Variants in ERICH1 observed in about 807,000 individuals in gnomAD.
The protein encoded by ERICH1 is glutamate-rich protein 1.
A neutral mutation model predicts 39.6 loss-of-function variants in ERICH1; 56 were observed. The ratio of observed to expected loss-of-function variants is 1.41; its 90% CI spans 1.14 to 1.77. ERICH1 has a LOEUF of 1.77. ERICH1 is among the 40% of genes most tolerant of loss of function. The pLI, the probability that ERICH1 is intolerant of heterozygous loss-of-function variation, is 0.00. For missense variants in ERICH1, 826 were observed against 575.4 expected (o/e 1.44, Z -4.45); for synonymous variants, 313 against 223.6 (o/e 1.40, Z -3.57).
At chr8:622,176 T>G (rs894921096) in intron 3 of ERICH1, among the ~76,000 whole-genome samples, 1 of 152,176 alleles carries the variant, frequency 6.6e-6, no homozygotes, top group Non-Finnish European at 1.5e-5. Flanking sequence ...GGCCTAAGAT[T>G]GTGCCACTGT....
chr8:656,077 C>A (rs1800626232), intron 3 of ERICH1, among the ~76,000 whole-genome samples: 1 of 152,166 alleles, frequency 6.6e-6, no homozygotes, highest in Admixed American at 6.5e-5. Flanking sequence ...TGTAGACCTG[C>A]CCGCCAGGTC....
chr8:654,389 G>C (rs1225868593), intron 3 of ERICH1, among the ~76,000 whole-genome samples: 1 of 152,176 alleles, frequency 6.6e-6, no homozygotes, highest in African/African-American at 2.4e-5. Flanking sequence ...TGGAGGGACT[G>C]GAGGGGCAGA....
chr8:662,888 G>A (rs1390299245), downstream of ERICH1, among the ~76,000 whole-genome samples: 2 of 152,186 alleles, frequency 1.3e-5, no homozygotes, highest in Non-Finnish European at 1.5e-5. Context: ...GGCGGGCAGG[G>A]CGCCCTGCAG....
At chr8:636,846 G>C (rs1798478054) in intron 3 of ERICH1, among the ~76,000 whole-genome samples, 1 of 152,226 alleles carries the variant, frequency 6.6e-6, no homozygotes, top group South Asian at 2.1e-4. Flanking sequence ...ATGACTTCCA[G>C]GCCACGTGTT....
At chr8:720,863 C>T (rs753797862) in intron 1 of ERICH1, among the ~76,000 whole-genome samples, 9 of 152,304 alleles carry the variant, frequency 5.9e-5, no homozygotes, top group African/African-American at 1.9e-4. Context: ...TCTGCTCCTT[C>T]GCTGGAATGA....
At chr8:638,983 C>A (rs545579144) in intron 3 of ERICH1, among the ~76,000 whole-genome samples, 61 of 152,122 alleles carry the variant, frequency 4.0e-4, no homozygotes, top group Non-Finnish European at 8.2e-4. Flanking sequence ...TTCACAACTG[C>A]CCCCCTACCA....
chr8:621,015 A>C (rs1174293380), intron 3 of ERICH1, among the ~76,000 whole-genome samples: 1 of 152,252 alleles, frequency 6.6e-6, no homozygotes, highest in Non-Finnish European at 1.5e-5. Flanking sequence ...AATATGGTGC[A>C]TACACCATAA....
intron 3 of ERICH1, among the ~76,000 whole-genome samples, chr8:690,654 G>A (rs758548647): frequency 6.6e-5 from 10 of 152,248 alleles, no homozygotes; most frequent in African/African-American, 9.6e-5. Context: ...CTGGGCGGCC[G>A]ATCCAAGTTG....
intron 3 of ERICH1, chr8:615,547 G>C (rs1011749183): frequency 2.0e-5 from 8 of 390,894 alleles, no homozygotes; most frequent in Non-Finnish European, 3.6e-5. Context: ...TGTTGATTAC[G>C]GAGGTGATGG....
chr8:657,774 T>C (rs1235779001), intron 3 of ERICH1, among the ~76,000 whole-genome samples: 4 of 152,054 alleles, frequency 2.6e-5, no homozygotes, highest in Non-Finnish European at 5.9e-5. Flanking sequence ...CTCAGTAATG[T>C]GCAGGAATTC....
At chr8:715,646 G>C (rs1447880951) in intron 2 of ERICH1, among the ~76,000 whole-genome samples, 1 of 152,256 alleles carries the variant, frequency 6.6e-6, no homozygotes. Context: ...ACCCCAAAAA[G>C]GCAGCACCCT....
At chr8:692,648 A>G in intron 2 of ERICH1, 36 bp from the exon 3 acceptor site, 2 of 1,537,446 alleles carry the variant, frequency 1.3e-6, no homozygotes, top group Non-Finnish European at 1.8e-6. Flanking sequence ...GAACTGGTAA[A>G]TATCACAAAA....
chr8:645,508 C>A lies in ERICH1; in HGVS notation c.976+23090G>T, dbSNP rs561628761. Among the ~76,000 whole-genome samples, 11 of 26,246 alleles carry A rather than the reference C, an allele frequency of 4.2e-4. 3 individuals are homozygous for A. Among genetic ancestry groups the A allele is most frequent in the Admixed American group, 3.2e-3 (9 of 2,840 alleles). 17.2% of individuals were successfully genotyped at this position (26,246 alleles called of 152,430 possible). ...AGTCGTGTTTTCCTTACTGTCCCCC[C>A]CAAACCTCATCTTTCTTCTGAAGGA... is the stretch of plus-strand genomic sequence containing the variant. On this transcript the variant is annotated intron_variant, in intron 3 of 3. Transcript: ENST00000522706.
At chr8:701,566 T>C (rs1311582563) in intron 2 of ERICH1, among the ~76,000 whole-genome samples, 2 of 152,222 alleles carry the variant, frequency 1.3e-5, no homozygotes, top group Non-Finnish European at 2.9e-5. Flanking sequence ...CTGAGGAAAC[T>C]GCAGCGTCAG....
intron 3 of ERICH1, among the ~76,000 whole-genome samples, chr8:632,293 C>T (rs986848544): frequency 6.6e-6 from 1 of 151,834 alleles, no homozygotes; most frequent in African/African-American, 2.4e-5. Context: ...TTGTTGCTTT[C>T]ATCCAGTCTT....
chr8:730,098 G>C (rs185912231), intron 1 of ERICH1, among the ~76,000 whole-genome samples: 2 of 152,092 alleles, frequency 1.3e-5, no homozygotes, highest in Admixed American at 1.3e-4. Flanking sequence ...CATGAACAAG[G>C]TATTTCTGGT....
intron 1 of ERICH1, among the ~76,000 whole-genome samples, chr8:723,839 T>C (rs370897845): frequency 2.6e-5 from 4 of 152,202 alleles, no homozygotes; most frequent in African/African-American, 9.6e-5. Context: ...ATTTTATCCC[T>C]ATAATGAGGC....
At chr8:690,691 G>A (rs1808710210) in intron 3 of ERICH1, among the ~76,000 whole-genome samples, 6 of 152,270 alleles carry the variant, frequency 3.9e-5, no homozygotes, top group Admixed American at 3.9e-4. Flanking sequence ...GCGCAGAGCA[G>A]GGCTGCGCAA....
At chr8:718,562 C>T (rs543759660) in intron 1 of ERICH1, among the ~76,000 whole-genome samples, 28 of 152,210 alleles carry the variant, frequency 1.8e-4, no homozygotes, top group Non-Finnish European at 3.5e-4. Context: ...AAGTAGAAGG[C>T]GGGAACAATG....
Sources: allele counts gnomAD v4.1 joint callset (sites outside exome capture counted in the v4.1 genomes callset), GRCh38; gene constraint gnomAD v4.1.1; transcripts MANE v1.5; gene names NCBI Gene and HGNC (gene_info 2026-07-23, HGNC 2026-07-21).